Variants in ADAMTS17 observed in about 807,000 individuals in gnomAD.
ADAMTS17 encodes the protein A disintegrin and metalloproteinase with thrombospondin motifs 17.
A neutral mutation model predicts 141.5 loss-of-function variants in ADAMTS17; 113 were observed. The observed-to-expected ratio is 0.80, with a 90% confidence interval of 0.69 to 0.93. The LOEUF (loss-of-function observed/expected upper bound fraction) is 0.93, where lower values mean the gene tolerates loss of function less well. Ranked by LOEUF, ADAMTS17 falls within the 40% of genes least tolerant of loss-of-function variation. ADAMTS17 has a pLI of 0.00. For synonymous variants in ADAMTS17, 768 were observed against 630.6 expected (o/e 1.22, Z -3.27); for missense variants, 1,659 against 1,517.9 (o/e 1.09, Z -1.54).
rs35680287 is a variant in ADAMTS17 at position 100,329,526 on chromosome 15, CAA to C, written c.616+1361_616+1362del. Reference sequence around the variant, plus strand: ...GGGTGACAGAGTGAGATCGTGTCTCCAAAAAAAAAAAAAAAGCCATACTGACA... The same window carrying C: ...GGGTGACAGAGTGAGATCGTGTCTCCAAAAAAAAAAAAAGCCATACTGACA... On this transcript the variant is annotated intron_variant, in intron 3 of 21. Transcript: ENST00000268070. Among the ~76,000 whole-genome samples, 328 of 128,050 alleles carry C rather than the reference CAA, an allele frequency of 2.6e-3. 4 individuals are homozygous for C. The highest frequency in any genetic ancestry group is 0.018 in the South Asian group (72 of 4,034). 84.0% of individuals were successfully genotyped at this position (128,050 alleles called of 152,430 possible). A position where few individuals can be genotyped will look rare whatever the true frequency, so the allele number is the denominator to read the frequency against.
chr15:100,111,579 C>A (rs2036784077), intron 13 of ADAMTS17, among the ~76,000 whole-genome samples: 1 of 152,258 alleles, frequency 6.6e-6, no homozygotes, highest in Admixed American at 6.5e-5. Flanking sequence ...ACTCCACACA[C>A]TGGGCTGCCT....
At chr15:100,324,426 T>G (rs1168758881) in intron 3 of ADAMTS17, among the ~76,000 whole-genome samples, 4 of 152,200 alleles carry the variant, frequency 2.6e-5, no homozygotes, top group Non-Finnish European at 4.4e-5. Flanking sequence ...TGTAAATTAT[T>G]TCATAATTCA....
chr15:100,071,429 G>A (rs1457460693), intron 15 of ADAMTS17, among the ~76,000 whole-genome samples: 2 of 149,764 alleles, frequency 1.3e-5, no homozygotes, highest in African/African-American at 5.0e-5. Flanking sequence ...GCCTGGCAGA[G>A]ACACAACAAA....
chr15:100,286,816 A>G (rs1259533252), intron 3 of ADAMTS17, among the ~76,000 whole-genome samples: 1 of 152,240 alleles, frequency 6.6e-6, no homozygotes, highest in Admixed American at 6.5e-5. Context: ...TGACAGACAC[A>G]GAATTCAGAA....
chr15:100,016,489 C>A (rs960593289), intron 18 of ADAMTS17, among the ~76,000 whole-genome samples: 2 of 152,162 alleles, frequency 1.3e-5, no homozygotes, highest in African/African-American at 4.8e-5. Context: ...CTCATTTGGG[C>A]AGACTCTGTC....
At chr15:100,114,389 T>A (rs1381595582) in intron 13 of ADAMTS17, among the ~76,000 whole-genome samples, 1 of 152,156 alleles carries the variant, frequency 6.6e-6, no homozygotes, top group East Asian at 1.9e-4. Context: ...AGAGGAACAC[T>A]TATAATCCGT....
At chr15:100,105,548 AGTTCATAAATTGAACC>A (rs1012876654) in intron 14 of ADAMTS17, among the ~76,000 whole-genome samples, 4 of 152,184 alleles carry the variant, frequency 2.6e-5, no homozygotes, top group African/African-American at 9.7e-5. Flanking sequence ...TGTCTTCTAG[AGTTCATAAATTGAACC>A]GTTCATACCA....
At chr15:100,327,489 G>C (rs528021831) in intron 3 of ADAMTS17, among the ~76,000 whole-genome samples, 17 of 152,186 alleles carry the variant, frequency 1.1e-4, no homozygotes, top group African/African-American at 4.1e-4. Flanking sequence ...AAAGGCCAAG[G>C]GAAAATCACT....
At chr15:100,322,768 C>T (rs959803730) in intron 3 of ADAMTS17, among the ~76,000 whole-genome samples, 3 of 152,172 alleles carry the variant, frequency 2.0e-5, no homozygotes, top group African/African-American at 7.2e-5. Flanking sequence ...ATATCATATG[C>T]ACCACATTCT....
chr15:99,990,835 A>C (rs2141320693), intron 20 of ADAMTS17, among the ~76,000 whole-genome samples: 1 of 152,316 alleles, frequency 6.6e-6, no homozygotes, highest in Middle Eastern at 3.4e-3. Context: ...CCAAAACCTA[A>C]ATTTTCAAAT....
Position 100,116,945 on chromosome 15 carries a change from C to A in ADAMTS17, c.1790G>T (p.Cys597Phe), listed in dbSNP as rs1277235271. 5 of 1,614,082 alleles carry A rather than the reference C, an allele frequency of 3.1e-6. No individual in the cohort carries two copies. The Admixed American group carries it at 8.3e-5, about 27-fold the overall frequency. The change falls in exon 13 of 22, where the codon TGC (cysteine) becomes TTC (phenylalanine). Residue 597 changes from cysteine to phenylalanine, a missense_variant. Coordinates refer to ENST00000268070, the MANE Select transcript of ADAMTS17 (RefSeq NM_139057.4). ...VEHAVCENLP[C>F]PKGLPSFRDQ... ...CCGGAAGCTGGGCAGACCCTTGGGG[C>A]AGGGCAGGTTCTCGCAGACCGCATG... is the stretch of plus-strand genomic sequence containing the variant.
At chr15:100,115,139 G>A (rs185218593) in intron 13 of ADAMTS17, among the ~76,000 whole-genome samples, 89 of 152,252 alleles carry the variant, frequency 5.8e-4, no homozygotes, top group South Asian at 1.2e-3. Context: ...CTGAAGGTTC[G>A]GATTCAAGGC....
At chr15:100,094,725 T>TAAAAAAG (rs1192997705) in intron 15 of ADAMTS17, among the ~76,000 whole-genome samples, 1 of 152,124 alleles carries the variant, frequency 6.6e-6, no homozygotes, top group Non-Finnish European at 1.5e-5. Context: ...ATGCTTCCAT[T>TAAAAAAG]AAAAAAGAAA....
At position 100,001,994 on chromosome 15, in the gene ADAMTS17, CAA is replaced by C. The variant is rs71151931; in HGVS notation, c.2592-4407_2592-4406del. ...TCAGTCTCAAAAAAAAGGCCAAACC[CAA>C]AAAAAAAAAAAAAAAAAAAAGAAAA... On this transcript the variant is annotated intron_variant, in intron 18 of 21. Coordinates refer to ENST00000268070, the MANE Select transcript of ADAMTS17 (RefSeq NM_139057.4). Among the ~76,000 whole-genome samples the C allele has an allele frequency of 1.5e-3, 89 of 58,374 alleles. 5 individuals are homozygous for C. The highest frequency in any genetic ancestry group is 4.5e-3 in the African/African-American group (74 of 16,410). The allele number at this position is 58,374 out of a possible 152,430, so 38.3% of individuals were successfully genotyped here. A position where few individuals can be genotyped will look rare whatever the true frequency, so the allele number is the denominator to read the frequency against.
intron 8 of ADAMTS17, among the ~76,000 whole-genome samples, chr15:100,176,186 A>G (rs191621360): frequency 6.6e-6 from 1 of 152,356 alleles, no homozygotes; most frequent in East Asian, 1.9e-4. Flanking sequence ...AAGAAAGAAG[A>G]GTGGTTATTA....
At chr15:100,227,594 C>T (rs2042350476) in intron 7 of ADAMTS17, among the ~76,000 whole-genome samples, 1 of 152,354 alleles carries the variant, frequency 6.6e-6, no homozygotes, top group African/African-American at 2.4e-5. Context: ...ATGGACAGAT[C>T]TGTGGTCCTC....
chr15:100,217,668 C>G (rs565809361), intron 7 of ADAMTS17, among the ~76,000 whole-genome samples: 1 of 152,180 alleles, frequency 6.6e-6, no homozygotes, highest in African/African-American at 2.4e-5. Context: ...AGGTATGATA[C>G]CAAAAGTACA....
chr15:100,087,857 C>G (rs1359959563), intron 15 of ADAMTS17, among the ~76,000 whole-genome samples: 10 of 152,176 alleles, frequency 6.6e-5, no homozygotes, highest in Non-Finnish European at 1.5e-4. Flanking sequence ...TAAGAGCTAT[C>G]TATGACAAAC....
intron 13 of ADAMTS17, among the ~76,000 whole-genome samples, chr15:100,110,774 T>G (rs1388468631): frequency 6.6e-6 from 1 of 152,140 alleles, no homozygotes; most frequent in Non-Finnish European, 1.5e-5. Flanking sequence ...AGTGGGTCCT[T>G]CTGGTGGCCC....
Sources: allele counts gnomAD v4.1 joint callset (sites outside exome capture counted in the v4.1 genomes callset), GRCh38; gene constraint gnomAD v4.1.1; transcripts MANE v1.5; gene names NCBI Gene and HGNC (gene_info 2026-07-23, HGNC 2026-07-21).